The following QRICH1 variants were observed in gnomAD, a reference collection of about 807,000 sequenced individuals.
The protein encoded by QRICH1 is transcriptional regulator QRICH1.
A neutral mutation model predicts 87.1 loss-of-function variants in QRICH1; 16 were observed. The ratio of observed to expected loss-of-function variants is 0.18; its 90% CI spans 0.12 to 0.28. QRICH1 has a LOEUF of 0.28. Among genes scored for constraint, QRICH1 ranks in the 10% least tolerant of loss-of-function variants. The pLI is 1.00. For synonymous variants in QRICH1, 367 were observed against 368.4 expected, an observed-to-expected ratio of 1.00 and a Z score of 0.05; for missense variants, 647 against 951.7, an observed-to-expected ratio of 0.68 and a Z score of 4.21.
chr3:49,041,066 C>T (rs1212009222), intron 6 of QRICH1, among the ~76,000 whole-genome samples: 1 of 152,074 alleles, frequency 6.6e-6, no homozygotes, highest in East Asian at 1.9e-4. Flanking sequence ...CTCCTGGGTT[C>T]AAGTGATTTT....
At chr3:49,078,581 G>A (rs148444551) in intron 1 of QRICH1, among the ~76,000 whole-genome samples, 2 of 149,764 alleles carry the variant, frequency 1.3e-5, no homozygotes, top group South Asian at 4.2e-4. Flanking sequence ...ATTTTTAGTA[G>A]AGACGAGGTT....
intron 6 of QRICH1, among the ~76,000 whole-genome samples, chr3:49,037,529 C>T (rs975292527): frequency 2.0e-5 from 3 of 152,082 alleles, no homozygotes; most frequent in South Asian, 2.1e-4. Flanking sequence ...CTCAAGAGTT[C>T]GCGACCAGCG....
intron 6 of QRICH1, among the ~76,000 whole-genome samples, chr3:49,040,022 C>CT (rs1478262674): frequency 6.6e-6 from 1 of 152,166 alleles, no homozygotes; most frequent in Non-Finnish European, 1.5e-5. Flanking sequence ...GATCATACCA[C>CT]TGCACTCCAG....
At chr3:49,062,831 C>T (rs534641043) in intron 2 of QRICH1, among the ~76,000 whole-genome samples, 66 of 151,880 alleles carry the variant, frequency 4.3e-4, no homozygotes, top group African/African-American at 1.5e-3. Context: ...CATGGTGAAA[C>T]CCCATTTCTA....
At chr3:49,044,184 G>A (rs777744155) in intron 6 of QRICH1, among the ~76,000 whole-genome samples, 3 of 152,192 alleles carry the variant, frequency 2.0e-5, no homozygotes, top group Non-Finnish European at 4.4e-5. Flanking sequence ...GCTTGTTCCT[G>A]TGTCCTTCCC....
At chr3:49,043,061 C>T (rs1416735751) in intron 6 of QRICH1, among the ~76,000 whole-genome samples, 1 of 152,010 alleles carries the variant, frequency 6.6e-6, no homozygotes, top group Admixed American at 6.6e-5. Flanking sequence ...ATTGGTTTAT[C>T]AATTATAACA....
chr3:49,055,606 T>G (rs1356919237), intron 3 of QRICH1, among the ~76,000 whole-genome samples: 1 of 152,100 alleles, frequency 6.6e-6, no homozygotes, highest in Non-Finnish European at 1.5e-5. Flanking sequence ...CAAGCATTCC[T>G]CCCACCTCAG....
Position 49,057,161 on chromosome 3 carries a change from T to G in QRICH1, c.1039A>C (p.Thr347Pro). Residue 347 changes from threonine to proline, a missense_variant, in exon 3 of 10, where the codon ACA becomes CCA. Coordinates refer to ENST00000395443, the MANE Select transcript of QRICH1 (RefSeq NM_198880.3). The surrounding 1 kb of genome is among the most constrained non-coding windows in gnomAD (Gnocchi z 5.4). ...YNAVHVSGSP[T>P]ALAAVKLEDD... ...TCCAGCTTAACAGCTGCCAGGGCTGTGGGTGAGCCACTGACGTGAACTGCG... is the reference window on the plus strand; with the variant it reads ...TCCAGCTTAACAGCTGCCAGGGCTGGGGGTGAGCCACTGACGTGAACTGCG... 6.2e-7 allele frequency: 1 copy of G among 1,614,216 alleles called. No homozygotes were observed. Among genetic ancestry groups the G allele is most frequent in the Non-Finnish European group, 8.5e-7 (1 of 1,180,042 alleles).
At chr3:49,071,766 C>G (rs371516744) in intron 2 of QRICH1, among the ~76,000 whole-genome samples, 1 of 152,220 alleles carries the variant, frequency 6.6e-6, no homozygotes, top group Non-Finnish European at 1.5e-5. Context: ...AATCACAGCT[C>G]GCTGCAACCA....
At chr3:49,037,540 C>T (rs1410157915) in intron 6 of QRICH1, among the ~76,000 whole-genome samples, 7 of 152,120 alleles carry the variant, frequency 4.6e-5, no homozygotes, top group African/African-American at 9.7e-5. Flanking sequence ...GCGACCAGCG[C>T]GGCCAACATG....
intron 5 of QRICH1, 21 bp downstream of exon 5, chr3:49,046,404 T>G (rs771754320): frequency 6.2e-7 from 1 of 1,603,756 alleles, no homozygotes; most frequent in Non-Finnish European, 8.5e-7. Context: ...AAACATGTTC[T>G]TGTGAAGATC....
chr3:49,085,919 T>A (rs1002686951), intron 1 of QRICH1, among the ~76,000 whole-genome samples: 3 of 152,048 alleles, frequency 2.0e-5, no homozygotes, highest in Admixed American at 6.6e-5. Flanking sequence ...AGATTCTTAA[T>A]TAGCTCCAAG....
intron 6 of QRICH1, among the ~76,000 whole-genome samples, chr3:49,039,816 T>C (rs917223163): frequency 6.6e-6 from 1 of 151,836 alleles, no homozygotes; most frequent in African/African-American, 2.4e-5. Flanking sequence ...TCCCAGCACT[T>C]TGGGAGGCTG....
chr3:49,084,823 A>AT (rs1430757403), intron 1 of QRICH1, among the ~76,000 whole-genome samples: 7 of 152,238 alleles, frequency 4.6e-5, no homozygotes, highest in African/African-American at 1.7e-4. Context: ...CCACAGAGTA[A>AT]TTAAGTTTCT....
intron 2 of QRICH1, among the ~76,000 whole-genome samples, chr3:49,063,699 A>C (rs2093448798): frequency 6.6e-6 from 1 of 152,182 alleles, no homozygotes; most frequent in South Asian, 2.1e-4. Flanking sequence ...TGAGGAAGGA[A>C]GACTACTTGA....
chr3:49,067,850 C>A (rs943929169), intron 2 of QRICH1, among the ~76,000 whole-genome samples: 3 of 151,658 alleles, frequency 2.0e-5, no homozygotes, highest in Non-Finnish European at 1.5e-5. Context: ...GCTCAGAAGG[C>A]GGAGGCAGGA....
chr3:49,048,082 C>T (rs529954117), intron 3 of QRICH1, among the ~76,000 whole-genome samples: 50 of 151,896 alleles, frequency 3.3e-4, no homozygotes, highest in Middle Eastern at 3.4e-3. Context: ...TATCAAAATG[C>T]ATATTCTGAT....
At chr3:49,037,073 TAAA>T (rs60963227) in intron 6 of QRICH1, among the ~76,000 whole-genome samples, 5 of 92,608 alleles carry the variant, frequency 5.4e-5, no homozygotes, top group Non-Finnish European at 1.0e-4. Context: ...CCCCGTCTCT[TAAA>T]AAAAAAAAAA....
chr3:49,039,951 C>T (rs1260780964), intron 6 of QRICH1, among the ~76,000 whole-genome samples: 1 of 151,982 alleles, frequency 6.6e-6, no homozygotes, highest in Non-Finnish European at 1.5e-5. Context: ...TTCCCAGCTA[C>T]TTGGGAGGCT....
Sources: gnomAD v4.1 joint callset for allele counts (sites outside exome capture counted in the v4.1 genomes callset) on GRCh38, gnomAD v4.1.1 for gene constraint, Gnocchi (gnomAD v3.1) non-coding constraint, MANE v1.5 for transcripts, NCBI Gene and HGNC (gene_info 2026-07-23, HGNC 2026-07-21) for gene names.